The following OR9Q1 variants were observed in gnomAD, a reference collection of about 807,000 sequenced individuals.
OR9Q1 encodes the protein olfactory receptor family 9 subfamily Q member 1.
For synonymous variants in OR9Q1, 153 were observed against 148.6 expected (o/e 1.03, Z -0.22); for missense variants, 374 against 378.8 (o/e 0.99, Z 0.11).
chr11:58,054,693 T>A (rs1034640453), intron 1 of OR9Q1, among the ~76,000 whole-genome samples: 5 of 132,324 alleles, frequency 3.8e-5, no homozygotes, highest in Non-Finnish European at 6.4e-5. Context: ...CAGGCCGAGG[T>A]GGGCGGATCA....
chr11:58,150,066 C>A (rs1364821721), intron 2 of OR9Q1, among the ~76,000 whole-genome samples: 1 of 152,150 alleles, frequency 6.6e-6, no homozygotes, highest in East Asian at 1.9e-4. Flanking sequence ...AGCAGCTGCA[C>A]CGTTTTACAT....
chr11:58,058,096 G>T (rs1853344644), intron 2 of OR9Q1, among the ~76,000 whole-genome samples: 1 of 152,192 alleles, frequency 6.6e-6, no homozygotes, highest in South Asian at 2.1e-4. Flanking sequence ...AGCTGGAATG[G>T]ACAGGGACTG....
At chr11:58,037,607 G>A (rs1853112924) in intron 1 of OR9Q1, among the ~76,000 whole-genome samples, 1 of 133,780 alleles carries the variant, frequency 7.5e-6, no homozygotes, top group African/African-American at 2.9e-5. Context: ...ATAACTATAT[G>A]GGAAGTGTCA....
intron 2 of OR9Q1, among the ~76,000 whole-genome samples, chr11:58,148,041 A>G (rs1854315874): frequency 6.6e-6 from 1 of 152,160 alleles, no homozygotes; most frequent in Admixed American, 6.6e-5. Flanking sequence ...CAACAATGAT[A>G]TTGGAAAGAT....
intron 2 of OR9Q1, among the ~76,000 whole-genome samples, chr11:58,058,780 C>T (rs765738083): frequency 6.6e-6 from 1 of 152,170 alleles, no homozygotes; most frequent in Non-Finnish European, 1.5e-5. Context: ...GCTGCTGATC[C>T]AGCCACTCAA....
chr11:58,147,064 T>C (rs1454154761), intron 2 of OR9Q1, among the ~76,000 whole-genome samples: 1 of 152,180 alleles, frequency 6.6e-6, no homozygotes, highest in Non-Finnish European at 1.5e-5. Flanking sequence ...ACTTTGTCTA[T>C]GAAACAACAG....
intron 2 of OR9Q1, among the ~76,000 whole-genome samples, chr11:58,161,562 T>TTC (rs3061607): frequency 6.6e-6 from 1 of 151,624 alleles, no homozygotes; most frequent in Non-Finnish European, 1.5e-5. Context: ...TTTTTTTTTT[T>TTC]AGACAGAGCC....
chr11:58,056,908 C>T (rs1198343274), intron 2 of OR9Q1, among the ~76,000 whole-genome samples: 1 of 151,216 alleles, frequency 6.6e-6, no homozygotes, highest in African/African-American at 2.4e-5. Flanking sequence ...CTGTAGAACT[C>T]TAAGGCTCCA....
At chr11:58,102,286 T>C (rs1366111402) in intron 2 of OR9Q1, among the ~76,000 whole-genome samples, 1 of 151,974 alleles carries the variant, frequency 6.6e-6, no homozygotes, top group African/African-American at 2.4e-5. Context: ...TTTTTTCCTC[T>C]CATTATTTAT....
At chr11:58,069,453 G>C (rs1303383317) in intron 2 of OR9Q1, among the ~76,000 whole-genome samples, 1 of 152,118 alleles carries the variant, frequency 6.6e-6, no homozygotes, top group Non-Finnish European at 1.5e-5. Context: ...CTCTTGCCCT[G>C]AGTACTGGTT....
intron 2 of OR9Q1, among the ~76,000 whole-genome samples, chr11:58,083,385 T>A (rs1853607237): frequency 6.6e-6 from 1 of 152,068 alleles, no homozygotes; most frequent in East Asian, 1.9e-4. Flanking sequence ...CGATGTATAT[T>A]TGTGAGTATT....
chr11:58,139,037 G>C (rs574359806), intron 2 of OR9Q1, among the ~76,000 whole-genome samples: 1 of 152,218 alleles, frequency 6.6e-6, no homozygotes, highest in East Asian at 1.9e-4. Context: ...AAGCAGGGGT[G>C]GGGCCCTGGG....
Position 58,179,793 on chromosome 11 carries a change from C to T in OR9Q1, c.349C>T (p.Leu117Phe). The stretch of plus-strand genomic sequence containing the variant: ...TTCCATCGACTGCTACCTCTTGGCC[C>T]TCATGGCCTATGACCGCTACTTGGC... Reference protein sequence around the residue: ...FGSIDCYLLALMAYDRYLAVC... With the variant: ...FGSIDCYLLAFMAYDRYLAVC... The change falls in exon 3 of 3, where the codon CTC becomes TTC. Residue 117 changes from leucine to phenylalanine, a missense_variant. Transcript: ENST00000335397. 15 of 1,614,222 alleles carry T rather than the reference C, an allele frequency of 9.3e-6. No homozygotes were observed. Among genetic ancestry groups the T allele is most frequent in the Non-Finnish European group, 1.2e-5 (14 of 1,180,022 alleles).
intron 2 of OR9Q1, among the ~76,000 whole-genome samples, chr11:58,061,454 C>T (rs550840629): frequency 6.6e-6 from 1 of 152,304 alleles, no homozygotes; most frequent in South Asian, 2.1e-4. Flanking sequence ...TTATCATTAA[C>T]CTTTGTTACC....
At chr11:58,164,141 C>T (rs900062779) in intron 2 of OR9Q1, among the ~76,000 whole-genome samples, 4 of 151,954 alleles carry the variant, frequency 2.6e-5, no homozygotes, top group East Asian at 1.9e-4. Context: ...CACCTTGTCT[C>T]GGCTTGCAGG....
At chr11:58,156,264 G>T (rs1159253906) in intron 2 of OR9Q1, among the ~76,000 whole-genome samples, 1 of 152,080 alleles carries the variant, frequency 6.6e-6, no homozygotes, top group African/African-American at 2.4e-5. Flanking sequence ...GATTTATAAA[G>T]CCTAGAAATT....
intron 2 of OR9Q1, among the ~76,000 whole-genome samples, chr11:58,136,670 C>A (rs778227316): frequency 5.3e-5 from 8 of 152,226 alleles, no homozygotes; most frequent in East Asian, 1.9e-4. Flanking sequence ...AACCAAACTT[C>A]TAGCTCCTCT....
chr11:58,170,765 T>C (rs1031433990), intron 2 of OR9Q1, among the ~76,000 whole-genome samples: 7 of 152,196 alleles, frequency 4.6e-5, no homozygotes, highest in Non-Finnish European at 8.8e-5. Context: ...AGATGTGCCT[T>C]TCACCTTCTG....
chr11:58,175,558 T>C (rs1000016054), intron 2 of OR9Q1, among the ~76,000 whole-genome samples: 1 of 152,182 alleles, frequency 6.6e-6, no homozygotes, highest in Admixed American at 6.5e-5. Flanking sequence ...AATACTACTA[T>C]TCCCATAGTA....
Sources: allele counts gnomAD v4.1 joint callset (sites outside exome capture counted in the v4.1 genomes callset), GRCh38; gene constraint gnomAD v4.1.1; transcripts MANE v1.5; gene names NCBI Gene and HGNC (gene_info 2026-07-23, HGNC 2026-07-21).